The following ZNF782 variants were observed in gnomAD, a reference collection of about 807,000 sequenced individuals.
ZNF782 encodes the protein zinc finger protein 782.
Under a neutral mutation model 13.0 loss-of-function variants are expected in ZNF782, and 12 were observed. The ratio of observed to expected loss-of-function variants is 0.92; its 90% confidence interval spans 0.59 to 1.50. The LOEUF is 1.50. Among genes scored for constraint, ZNF782 ranks in the 40% most tolerant of loss-of-function variants. The probability of loss-of-function intolerance (pLI) is 0.00; values close to 1 mark genes in which losing one functional copy is unlikely to be tolerated. For synonymous variants in ZNF782, 284 were observed against 283.0 expected (o/e 1.00, Z -0.04); for missense variants, 770 against 822.9 (o/e 0.94, Z 0.79).
the ZNF782 span, among the ~76,000 whole-genome samples, chr9:96,910,798 G>A: frequency 6.7e-6 from 1 of 148,784 alleles, no homozygotes; most frequent in African/African-American, 2.5e-5. Context: ...CACGACACCC[G>A]GCTGATTTTT....
chr9:96,893,368 T>C, the ZNF782 span: 2 of 152,146 alleles, frequency 1.3e-5, no homozygotes, highest in African/African-American at 4.8e-5. Context: ...CATTAAAAAG[T>C]CAGGAAACAA....
At chr9:96,886,482 A>G in the ZNF782 span, among the ~76,000 whole-genome samples, 20 of 152,202 alleles carry the variant, frequency 1.3e-4, no homozygotes, top group African/African-American at 4.3e-4. Context: ...AAAAGTGGAG[A>G]GAGTAAAGGG....
At position 96,831,137 on chromosome 9, in the gene ZNF782, A is replaced by T. The variant is rs144482884; in HGVS notation, c.143-3956T>A. On this transcript the variant is annotated intron_variant, in intron 4 of 5. Transcript: ENST00000481138. ...AGAAAGGGAGGGGCTGAAAAGTCTA[A>T]AAAGAAATGATAGCTTACCAAGTTA... Among the ~76,000 whole-genome samples the T allele has an allele frequency of 3.7e-3, 558 of 152,200 alleles. 4 individuals are homozygous for T. The highest frequency in any genetic ancestry group is 0.013 in the African/African-American group (538 of 41,548).
the ZNF782 span, among the ~76,000 whole-genome samples, chr9:96,900,510 C>T: frequency 5.9e-5 from 9 of 152,178 alleles, no homozygotes; most frequent in South Asian, 2.1e-4. Context: ...AAGGCCGAGG[C>T]GGGGGGATCA....
At chr9:96,898,174 A>C in the ZNF782 span, 1 of 149,508 alleles carries the variant, frequency 6.7e-6, no homozygotes, top group Non-Finnish European at 1.5e-5. Flanking sequence ...AAAATGAGCC[A>C]ATTTAAAACA....
chr9:96,880,003 A>C (rs1406383010), upstream of ZNF782, among the ~76,000 whole-genome samples: 1 of 152,036 alleles, frequency 6.6e-6, no homozygotes, highest in Non-Finnish European at 1.5e-5. Flanking sequence ...AATGGCCAGG[A>C]TTCCCAGTAC....
intron 3 of ZNF782, among the ~76,000 whole-genome samples, chr9:96,849,274 A>G (rs1440031446): frequency 6.6e-6 from 1 of 152,252 alleles, no homozygotes; most frequent in Non-Finnish European, 1.5e-5. Flanking sequence ...TGCAGTTCAC[A>G]ATAGGGTTCC....
chr9:96,826,104 G>C (rs1164571906), intron 5 of ZNF782, among the ~76,000 whole-genome samples: 1 of 152,220 alleles, frequency 6.6e-6, no homozygotes, highest in Non-Finnish European at 1.5e-5. Context: ...GCACATGTAT[G>C]TTTATTGTGG....
At chr9:96,887,330 G>GGAGGGAGGAAGGAAGA in the ZNF782 span, 1 of 137,994 alleles carries the variant, frequency 7.2e-6, no homozygotes, top group African/African-American at 2.8e-5. Flanking sequence ...AGGAAGGAAG[G>GGAGGGAGGAAGGAAGA]AAGGAAGGAA....
chr9:96,866,382 G>A (rs1189236229), intron 1 of ZNF782, among the ~76,000 whole-genome samples: 2 of 152,174 alleles, frequency 1.3e-5, no homozygotes, highest in East Asian at 3.9e-4. Flanking sequence ...CCCAAGCCTT[G>A]GAAGCTTTTA....
the ZNF782 span, among the ~76,000 whole-genome samples, chr9:96,925,434 T>C: frequency 6.6e-6 from 1 of 152,092 alleles, no homozygotes; most frequent in Non-Finnish European, 1.5e-5. Flanking sequence ...GGTCGGGGGT[T>C]CGAGACCAGC....
chr9:96,910,109 A>G, the ZNF782 span: 1 of 666,176 alleles, frequency 1.5e-6, no homozygotes, highest in Non-Finnish European at 2.8e-6. Context: ...CAGCTCTGAA[A>G]TCATTGCCAA....
intron 5 of ZNF782, among the ~76,000 whole-genome samples, chr9:96,822,688 A>T: frequency 6.6e-6 from 1 of 152,106 alleles, no homozygotes; most frequent in East Asian, 1.9e-4. Context: ...TTTCACTTTT[A>T]AAAACAAGTA....
chr9:96,929,569 G>A, the ZNF782 span, among the ~76,000 whole-genome samples: 1 of 152,126 alleles, frequency 6.6e-6, no homozygotes, highest in African/African-American at 2.4e-5. Context: ...GCAAGGCTGG[G>A]GGCCACTGTA....
the ZNF782 span, among the ~76,000 whole-genome samples, chr9:96,926,509 G>A: frequency 2.6e-5 from 4 of 151,946 alleles, no homozygotes; most frequent in African/African-American, 4.8e-5. Context: ...GCTCTGTCTC[G>A]GAGGACAAAA....
upstream of ZNF782, among the ~76,000 whole-genome samples, chr9:96,854,675 G>A (rs930864650): frequency 1.3e-5 from 2 of 152,192 alleles, no homozygotes; most frequent in East Asian, 3.9e-4. Flanking sequence ...GAGTTTTTAT[G>A]AAGTCTCCCG....
intron 4 of ZNF782, among the ~76,000 whole-genome samples, chr9:96,839,497 T>C (rs1851123728): frequency 6.6e-6 from 1 of 152,128 alleles, no homozygotes; most frequent in African/African-American, 2.4e-5. Flanking sequence ...GTATCTGTAA[T>C]CAATCTTATC....
the ZNF782 span, among the ~76,000 whole-genome samples, chr9:96,881,954 T>C: frequency 1.3e-5 from 2 of 151,736 alleles, no homozygotes; most frequent in Non-Finnish European, 2.9e-5. Context: ...CACAAGAGCT[T>C]GGATTGTATA....
chr9:96,908,195 G>A, the ZNF782 span, among the ~76,000 whole-genome samples: 39 of 151,782 alleles, frequency 2.6e-4, no homozygotes, highest in Non-Finnish European at 4.7e-4. Flanking sequence ...TTTGAGACAG[G>A]GTATTGCTGC....
Sources: allele counts gnomAD v4.1 joint callset (sites outside exome capture counted in the v4.1 genomes callset), GRCh38; gene constraint gnomAD v4.1.1; transcripts MANE v1.5; gene names NCBI Gene and HGNC (gene_info 2026-07-23, HGNC 2026-07-21).